IPO11: variants seen among roughly 807,000 people sequenced by gnomAD.
The protein encoded by IPO11 is importin-11.
A neutral mutation model predicts 143.2 loss-of-function variants in IPO11; 66 were observed. The ratio of observed to expected loss-of-function variants is 0.46; its 90% CI spans 0.38 to 0.57. The LOEUF (loss-of-function observed/expected upper bound fraction) is 0.57, where lower values mean the gene tolerates loss of function less well. IPO11 is among the 20% of genes least tolerant of loss of function. The pLI is 0.00. For synonymous variants in IPO11, 385 were observed against 377.8 expected (o/e 1.02, Z -0.22); for missense variants, 1,026 against 1,141.0 (o/e 0.90, Z 1.45).
At chr5:62,536,312 T>G (rs979904810) in intron 22 of IPO11, among the ~76,000 whole-genome samples, 1 of 152,148 alleles carries the variant, frequency 6.6e-6, no homozygotes, top group Non-Finnish European at 1.5e-5. Context: ...TTAGGTGGTT[T>G]TTTTTTCTGA....
chr5:62,505,877 C>T (rs898673924), intron 18 of IPO11, among the ~76,000 whole-genome samples: 6 of 151,902 alleles, frequency 3.9e-5, no homozygotes, highest in Admixed American at 1.3e-4. Flanking sequence ...CAAAACATTT[C>T]GTGATTGGCA....
intron 27 of IPO11, among the ~76,000 whole-genome samples, chr5:62,566,299 T>C (rs1743937330): frequency 6.6e-6 from 1 of 152,196 alleles, no homozygotes; most frequent in Admixed American, 6.5e-5. Flanking sequence ...TACTGTTTCT[T>C]GACTTTTTAA....
At chr5:62,511,688 T>C (rs1240500672) in intron 19 of IPO11, among the ~76,000 whole-genome samples, 2 of 152,206 alleles carry the variant, frequency 1.3e-5, no homozygotes, top group Admixed American at 6.5e-5. Context: ...TTAATCCAGA[T>C]ATTCAAGTAG....
In IPO11 at chr5:62,470,858, C is replaced by T. The variant is rs371828174; in HGVS notation, c.708+550C>T. ...TTTTTTTTTTTTTGAGACAGAGTCT[C>T]GCTCTGTCACCCAGGCTGGAGTGCA... On this transcript the variant is annotated intron_variant, in intron 7 of 29. Coordinates refer to ENST00000325324, the MANE Select transcript of IPO11 (RefSeq NM_016338.5). 1.1e-3 allele frequency among the ~76,000 whole-genome samples: 95 copies of T among 89,962 alleles called. 1 individual carries two copies. Among genetic ancestry groups the T allele is most frequent in the African/African-American group, 3.3e-3 (75 of 22,496 alleles). The allele number at this position is 89,962 out of a possible 152,430, so 59.0% of individuals were successfully genotyped here.
intron 27 of IPO11, among the ~76,000 whole-genome samples, chr5:62,591,132 G>A (rs1276824672): frequency 1.3e-5 from 2 of 151,940 alleles, no homozygotes; most frequent in Non-Finnish European, 1.5e-5. Flanking sequence ...TCATCTTATT[G>A]TGTTTTCAGA....
intron 27 of IPO11, among the ~76,000 whole-genome samples, chr5:62,566,248 G>A (rs1743935193): frequency 6.6e-6 from 1 of 152,136 alleles, no homozygotes; most frequent in African/African-American, 2.4e-5. Flanking sequence ...CTCACCAACA[G>A]TGTAAAAGCA....
chr5:62,577,308 C>T (rs1744351317), intron 27 of IPO11, among the ~76,000 whole-genome samples: 1 of 151,974 alleles, frequency 6.6e-6, no homozygotes, highest in Admixed American at 6.6e-5. Context: ...GTCATTTTTC[C>T]TTAATACAGT....
intron 27 of IPO11, chr5:62,579,596 G>A: frequency 6.4e-7 from 1 of 1,551,060 alleles, no homozygotes; most frequent in Non-Finnish European, 8.7e-7. Context: ...GGCCTTTCGA[G>A]TATTCCTAAG....
At position 62,487,837 on chromosome 5, in the gene IPO11, C is replaced by A. The variant is rs751377231; in HGVS notation, c.1285C>A (p.Leu429Ile). The A allele has an allele frequency of 5.6e-6, 9 of 1,609,710 alleles. No individual in the cohort carries two copies. The highest frequency in any genetic ancestry group is 6.8e-6 in the Non-Finnish European group (8 of 1,178,660). ...EYNQTLTPVLLEMMQTLQGPT... is the reference protein window; with the variant it reads ...EYNQTLTPVLIEMMQTLQGPT... ...TAATCAGACTCTTACTCCTGTACTTCTAGAAATGATGCAAACACTTCAAGG... is the reference window on the plus strand; with the variant it reads ...TAATCAGACTCTTACTCCTGTACTTATAGAAATGATGCAAACACTTCAAGG... Residue 429 changes from leucine to isoleucine, a missense_variant, in exon 13 of 30, where the codon CTA (leucine) becomes ATA (isoleucine). Transcript: ENST00000325324.
intron 27 of IPO11, among the ~76,000 whole-genome samples, chr5:62,584,636 AAAGG>A (rs1328810753): frequency 1.6e-4 from 24 of 146,802 alleles, no homozygotes; most frequent in Non-Finnish European, 2.9e-4. Context: ...AAAAAAAAAA[AAAGG>A]AAATAGGAGC....
At chr5:62,582,828 A>G (rs1744618735) in intron 27 of IPO11, among the ~76,000 whole-genome samples, 1 of 152,226 alleles carries the variant, frequency 6.6e-6, no homozygotes, top group African/African-American at 2.4e-5. Context: ...ATTAGGGATT[A>G]TAGTAAGTGC....
intron 27 of IPO11, chr5:62,581,327 T>G: frequency 6.8e-7 from 1 of 1,472,732 alleles, no homozygotes; most frequent in Non-Finnish European, 9.0e-7. Flanking sequence ...ATATTGTCTA[T>G]AAGAAACTTC....
At chr5:62,600,498 T>C (rs1248723009) in intron 28 of IPO11, among the ~76,000 whole-genome samples, 1 of 152,232 alleles carries the variant, frequency 6.6e-6, no homozygotes, top group Admixed American at 6.5e-5. Flanking sequence ...AGAATTCAGG[T>C]CTGCAACAGA....
rs115197259 is a variant in IPO11 at position 62,490,451 on chromosome 5, T to C, written c.1463+231T>C. On this transcript the variant is annotated intron_variant, in intron 15 of 29. Coordinates refer to ENST00000325324, the MANE Select transcript of IPO11 (RefSeq NM_016338.5). ...ATGCAAAGATGAGGGAGGATGGAGGTCTCTGAGTTCAAGAAACTATGCCTA... is the reference window on the plus strand; with the variant it reads ...ATGCAAAGATGAGGGAGGATGGAGGCCTCTGAGTTCAAGAAACTATGCCTA... Among the ~76,000 whole-genome samples, 1,198 of 151,992 alleles carry C rather than the reference T, an allele frequency of 7.9e-3. 18 individuals are homozygous for C. Among genetic ancestry groups the C allele is most frequent in the African/African-American group, 0.027 (1,135 of 41,468 alleles).
intron 27 of IPO11, among the ~76,000 whole-genome samples, chr5:62,575,436 T>A (rs1489178802): frequency 1.3e-5 from 2 of 152,218 alleles, no homozygotes; most frequent in Non-Finnish European, 2.9e-5. Flanking sequence ...TCTTGTGTTT[T>A]TGTAGTCTCT....
intron 5 of IPO11, 96 bp from the exon 6 acceptor site, chr5:62,467,035 C>A: frequency 1.8e-6 from 2 of 1,111,756 alleles, no homozygotes; most frequent in Non-Finnish European, 1.3e-6. Flanking sequence ...AAAATGTGTG[C>A]TTAGTTGTAA....
At chr5:62,470,129 A>T (rs1745715516) in intron 6 of IPO11, 121 bp from the exon 7 acceptor site, 4 of 879,498 alleles carry the variant, frequency 4.5e-6, no homozygotes, top group Admixed American at 2.2e-5. Context: ...ACCAGGAGTT[A>T]ACTTTCCAAC....
chr5:62,526,164 A>G lies in IPO11; in HGVS notation c.1919A>G (p.Asn640Ser). Residue 640 changes from asparagine to serine, a missense_variant, in exon 21 of 30, where the codon AAC (asparagine) becomes AGC (serine). By Grantham distance (46) the Asn-to-Ser change is conservative. This residue lies in a region of IPO11 where 237 missense variants were observed against 288.0 expected (regional missense o/e 0.82). Transcript: ENST00000325324. ...LVQGLGADSK[N>S]LYPFLLPVIQ... ...TAGGGATTAGGAGCAGACAGCAAGAACCTGTACCCTTTCCTGCTCCCAGTT... is the reference window on the plus strand; with the variant it reads ...TAGGGATTAGGAGCAGACAGCAAGAGCCTGTACCCTTTCCTGCTCCCAGTT... The G allele has an allele frequency of 1.9e-6, 3 of 1,613,152 alleles. No homozygotes were observed. Among genetic ancestry groups the G allele is most frequent in the Non-Finnish European group, 2.5e-6 (3 of 1,179,262 alleles).
Position 62,591,652 on chromosome 5 carries a change from T to C in IPO11, c.2658T>C (p.Pro886=). ...TGCATGATGTCATGACGGAAGATCC[T>C]GAAACAGGAACTTATAAAGAGTAGG... ...EGLHDVMTED[P]ETGTYKDCML... Residue 886 remains proline (P), a synonymous_variant, in exon 28 of 30, where the codon CCT becomes CCC. Coordinates refer to ENST00000325324, the MANE Select transcript of IPO11 (RefSeq NM_016338.5). 6.2e-7 allele frequency: 1 copy of C among 1,605,662 alleles called. No individual in the cohort carries two copies. The highest frequency in any genetic ancestry group is 1.1e-5 in the South Asian group (1 of 88,948).
Sources: gnomAD v4.1 joint callset for allele counts (sites outside exome capture counted in the v4.1 genomes callset) on GRCh38, gnomAD v4.1.1 for gene constraint, gnomAD v4.1.1 regional missense constraint, MANE v1.5 for transcripts, NCBI Gene and HGNC (gene_info 2026-07-23, HGNC 2026-07-21) for gene names.